The following NTRK2 variants were observed in gnomAD, a reference collection of about 807,000 sequenced individuals.
NTRK2 encodes the protein neurotrophic receptor tyrosine kinase 2, also known as BDNF/NT-3 growth factors receptor.
NTRK2 carries 13 observed loss-of-function variants against 94.5 expected under a neutral mutation model. That is an observed-to-expected ratio of 0.14 (90% CI 0.09 to 0.22). NTRK2 has a LOEUF of 0.22. NTRK2 is among the 10% of genes least tolerant of loss of function. The pLI, the probability that NTRK2 is intolerant of heterozygous loss-of-function variation, is 1.00. For synonymous variants in NTRK2, 372 were observed against 407.4 expected (o/e 0.91, Z 1.05); for missense variants, 639 against 1,071.2 (o/e 0.60, Z 5.63).
At chr9:84,765,731 G>A (rs897344778) in intron 12 of NTRK2, among the ~76,000 whole-genome samples, 1 of 152,022 alleles carries the variant, frequency 6.6e-6, no homozygotes, top group African/African-American at 2.4e-5. Context: ...TCAAAGCTGG[G>A]GACACTTAAG....
At chr9:84,867,845 T>G (rs1233182264) in intron 14 of NTRK2, among the ~76,000 whole-genome samples, 4 of 152,186 alleles carry the variant, frequency 2.6e-5, no homozygotes, top group Non-Finnish European at 5.9e-5. Flanking sequence ...CTCTAGGTAG[T>G]TGGGAAGGCA....
intron 8 of NTRK2, 48 bp from the exon 9 acceptor site, chr9:84,727,606 A>G: frequency 6.4e-7 from 1 of 1,568,150 alleles, no homozygotes. Flanking sequence ...CGAGATGGGG[A>G]GAATTCTGAG....
At chr9:84,999,077 C>T (rs1830068614) in intron 17 of NTRK2, among the ~76,000 whole-genome samples, 1 of 152,200 alleles carries the variant, frequency 6.6e-6, no homozygotes, top group African/African-American at 2.4e-5. Flanking sequence ...CTTTGGCCTG[C>T]ATAAGAGAAC....
chr9:84,670,366 T>G lies in NTRK2; in HGVS notation c.-372-11T>G. ...CTACGCTCAGTCTTACGCGTGTCTG[T>G]TTGTCCTCAGCCTCGAGGTGCATAC... On this transcript the variant is annotated splice_polypyrimidine_tract_variant and intron_variant, in intron 1 of 18. Coordinates refer to ENST00000277120, the MANE Select transcript of NTRK2 (RefSeq NM_006180.6). 5.3e-6 allele frequency: 2 copies of G among 378,360 alleles called. No individual in the cohort carries two copies. The highest frequency in any genetic ancestry group is 4.9e-6 in the Non-Finnish European group (1 of 205,490). The allele number at this position is 378,360 out of a possible 1,614,324, so 23.4% of individuals were successfully genotyped here. A position where few individuals can be genotyped will look rare whatever the true frequency, so the allele number is the denominator to read the frequency against.
At chr9:84,960,028 C>A (rs1824714161) in intron 17 of NTRK2, among the ~76,000 whole-genome samples, 1 of 152,130 alleles carries the variant, frequency 6.6e-6, no homozygotes, top group African/African-American at 2.4e-5. Context: ...TGGTAAGAAA[C>A]CCTGTCCTTT....
intron 12 of NTRK2, among the ~76,000 whole-genome samples, chr9:84,817,677 A>G (rs1186007235): frequency 6.6e-6 from 1 of 152,222 alleles, no homozygotes; most frequent in African/African-American, 2.4e-5. Flanking sequence ...TTGGCTAAGA[A>G]TGTAAGTAAC....
At chr9:84,808,195 C>T (rs1000304530) in intron 12 of NTRK2, among the ~76,000 whole-genome samples, 3 of 152,144 alleles carry the variant, frequency 2.0e-5, no homozygotes, top group Non-Finnish European at 4.4e-5. Context: ...CCAGTAGAAC[C>T]GTCATCTGGC....
intron 12 of NTRK2, among the ~76,000 whole-genome samples, chr9:84,753,655 G>A (rs1157946390): frequency 1.3e-5 from 2 of 152,132 alleles, no homozygotes; most frequent in Non-Finnish European, 2.9e-5. Flanking sequence ...CAGGCTAGGC[G>A]GCTGCTCTGT....
intron 17 of NTRK2, among the ~76,000 whole-genome samples, chr9:84,981,265 GT>G (rs11390659): frequency 0.22 from 33,628 of 149,620 alleles, 4,586 homozygotes; most frequent in African/African-American, 0.39. Flanking sequence ...TTGTTTTGTT[GT>G]TTTTTTTTTA....
intron 12 of NTRK2, among the ~76,000 whole-genome samples, chr9:84,776,911 A>G (rs1400515705): frequency 6.6e-6 from 1 of 152,214 alleles, no homozygotes. Context: ...AAGATAATCC[A>G]AAACAAAGGG....
intron 17 of NTRK2, among the ~76,000 whole-genome samples, chr9:85,016,841 A>G (rs1197937924): frequency 6.6e-6 from 1 of 152,188 alleles, no homozygotes; most frequent in Admixed American, 6.5e-5. Context: ...ATTATTTATA[A>G]CAGCATGCGT....
At chr9:84,770,094 G>T (rs200165754) in intron 12 of NTRK2, among the ~76,000 whole-genome samples, 1 of 150,896 alleles carries the variant, frequency 6.6e-6, no homozygotes, top group Non-Finnish European at 1.5e-5. Context: ...CTGGAACCTT[G>T]TTCAGAGGGC....
intron 2 of NTRK2, among the ~76,000 whole-genome samples, chr9:84,672,081 G>C (rs2058733297): frequency 1.3e-5 from 2 of 152,176 alleles, no homozygotes; most frequent in Non-Finnish European, 2.9e-5. Flanking sequence ...TGGCCTTCCG[G>C]TTGTCGAGTG....
At chr9:84,875,608 A>G in intron 14 of NTRK2, 1 of 1,061,382 alleles carries the variant, frequency 9.4e-7, no homozygotes, top group Non-Finnish European at 1.1e-6. Flanking sequence ...TACATCTCAT[A>G]CATTTCCTGA....
At chr9:84,992,847 T>C (rs1829259864) in intron 17 of NTRK2, among the ~76,000 whole-genome samples, 1 of 151,980 alleles carries the variant, frequency 6.6e-6, no homozygotes, top group African/African-American at 2.4e-5. Context: ...AGGGGACCTC[T>C]GTGGACTCTC....
intron 17 of NTRK2, among the ~76,000 whole-genome samples, chr9:84,973,201 A>G (rs1826395176): frequency 6.6e-6 from 1 of 152,258 alleles, no homozygotes; most frequent in Non-Finnish European, 1.5e-5. Context: ...ACTGTGAATA[A>G]TTAAGTGGCA....
In NTRK2 at chr9:84,950,708, G is replaced by T. The variant is rs533985141; in HGVS notation, c.1937+2074G>T. On this transcript the variant is annotated intron_variant, in intron 16 of 18. Transcript: ENST00000277120. ...TGTTAAAGGCTGTTCACCTGCCCTT[G>T]CTGGGCACAGTTTCCTTACCTGTGA... Among the ~76,000 whole-genome samples, 12 of 152,256 alleles carry T rather than the reference G, an allele frequency of 7.9e-5. No individual in the cohort carries two copies. The East Asian group carries it at 2.1e-3, about 27-fold the overall frequency.
chr9:84,940,038 T>G (rs1438505412), intron 15 of NTRK2, among the ~76,000 whole-genome samples: 2 of 152,192 alleles, frequency 1.3e-5, no homozygotes, highest in Non-Finnish European at 2.9e-5. Context: ...TATCTTGGGC[T>G]GTGTCACCAG....
chr9:84,813,246 T>C (rs201192205), intron 12 of NTRK2: 3 of 1,048,182 alleles, frequency 2.9e-6, no homozygotes, highest in South Asian at 9.2e-5. Flanking sequence ...GAGGGGCCAC[T>C]GTCCCCAGCC....
Sources: gnomAD v4.1 joint callset for allele counts (sites outside exome capture counted in the v4.1 genomes callset) on GRCh38, gnomAD v4.1.1 for gene constraint, MANE v1.5 for transcripts, NCBI Gene and HGNC (gene_info 2026-07-23, HGNC 2026-07-21) for gene names.